Variants in PIWIL2 observed in about 807,000 individuals in gnomAD.
PIWIL2 encodes the protein piwi-like protein 2.
Under a neutral mutation model 116.5 loss-of-function variants are expected in PIWIL2, and 81 were observed. The observed-to-expected ratio is 0.70, with a 90% CI of 0.58 to 0.84. The LOEUF is 0.84. Ranked by LOEUF, PIWIL2 falls within the 40% of genes least tolerant of loss-of-function variation. The pLI is 0.00. For missense variants in PIWIL2, 1,272 were observed against 1,212.3 expected (o/e 1.05, Z -0.73); for synonymous variants, 489 against 429.5 (o/e 1.14, Z -1.71).
At chr8:22,322,425 A>G (rs1831620513) in intron 20 of PIWIL2, among the ~76,000 whole-genome samples, 1 of 151,758 alleles carries the variant, frequency 6.6e-6, no homozygotes, top group Non-Finnish European at 1.5e-5. Context: ...TAATTTTTGT[A>G]TTTTTTGTAG....
In PIWIL2 at chr8:22,355,506, C is replaced by G. The variant is rs1832469549; in HGVS notation, c.*1C>G. The G allele has an allele frequency of 1.9e-6, 3 of 1,613,592 alleles. No individual in the cohort carries two copies. The highest frequency in any genetic ancestry group is 2.5e-6 in the Non-Finnish European group (3 of 1,179,800). ...GTGCGAGAACCTGTTCTTCCTGTGA[C>G]TGCACAGCTTGGAGATGGGCTGGTG... On this transcript the variant is annotated 3_prime_UTR_variant, in exon 23 of 23. Coordinates refer to ENST00000356766, the MANE Select transcript of PIWIL2 (RefSeq NM_018068.5).
At chr8:22,307,902 T>C (rs1752692904) in intron 13 of PIWIL2, 31 bp from the exon 14 acceptor site, 1 of 1,547,596 alleles carries the variant, frequency 6.5e-7, no homozygotes, top group Non-Finnish European at 8.8e-7. Context: ...AAGTTATCTT[T>C]ATAAGTTATC....
chr8:22,303,011 A>G (rs1043909222), intron 10 of PIWIL2, among the ~76,000 whole-genome samples: 21 of 152,200 alleles, frequency 1.4e-4, no homozygotes, highest in African/African-American at 4.6e-4. Flanking sequence ...CCCCTAGATT[A>G]AGTTTTCTCT....
At position 22,294,589 on chromosome 8, in the gene PIWIL2, C is replaced by T. The variant is rs1830844170; in HGVS notation, c.1181+4243C>T. Among the ~76,000 whole-genome samples the T allele has an allele frequency of 2.2e-5, 3 of 135,220 alleles. No individual in the cohort carries two copies. In the Admixed American group the frequency reaches 2.6e-4, roughly 12 times the overall value. The allele number at this position is 135,220 out of a possible 152,430, so 88.7% of individuals were successfully genotyped here. A position where few individuals can be genotyped will look rare whatever the true frequency, so the allele number is the denominator to read the frequency against. ...CCAGGAGGCGGAGCTTGCAGTGAGC[C>T]GAGATTGTGCCAGTGCACTCCAGCC... On this transcript the variant is annotated intron_variant, in intron 10 of 22. Coordinates refer to ENST00000356766, the MANE Select transcript of PIWIL2 (RefSeq NM_018068.5).
At position 22,283,126 on chromosome 8, in the gene PIWIL2, C is replaced by A. The variant is rs752706668; in HGVS notation, c.518C>A (p.Thr173Asn). The A allele has an allele frequency of 3.1e-6, 5 of 1,614,022 alleles. No homozygotes were observed. Among genetic ancestry groups the A allele is most frequent in the Non-Finnish European group, 4.2e-6 (5 of 1,180,008 alleles). Residue 173 changes from threonine to asparagine, a missense_variant, in exon 5 of 23, where the codon ACC (threonine) becomes AAC (asparagine). By Grantham distance (65) the Thr-to-Asn change is moderately conservative. Transcript: ENST00000356766. Reference protein sequence around the residue: ...ISREVDKPPCTFSTPSRGPPQ... With the variant: ...ISREVDKPPCNFSTPSRGPPQ... ...AGAGAAGTGGACAAGCCTCCCTGTA[C>A]CTTCAGCACACCGTCCCGGGGTCCC...
chr8:22,296,213 G>A (rs1354290066), intron 10 of PIWIL2, among the ~76,000 whole-genome samples: 3 of 151,926 alleles, frequency 2.0e-5, no homozygotes, highest in East Asian at 1.9e-4. Flanking sequence ...GCGCCACCAC[G>A]CCCAGCTAAT....
chr8:22,310,135 A>G, intron 15 of PIWIL2, 61 bp downstream of exon 15: 1 of 888,832 alleles, frequency 1.1e-6, no homozygotes. Flanking sequence ...GGGAATTAGG[A>G]AGCAGGAATG....
In PIWIL2 at chr8:22,310,056, A is replaced by C. The variant is rs1345233321; in HGVS notation, c.1782A>C (p.Arg594Ser). The C allele has an allele frequency of 1.3e-5, 20 of 1,581,820 alleles. No homozygotes were observed. Among genetic ancestry groups the C allele is most frequent in the Non-Finnish European group, 1.7e-5 (20 of 1,150,772 alleles). The change falls in exon 15 of 23, where the codon AGA becomes AGC. Residue 594 changes from arginine (R) to serine (S), a missense_variant. Coordinates refer to ENST00000356766, the MANE Select transcript of PIWIL2 (RefSeq NM_018068.5). ...QELNWVKEVT[R>S]DPSILTIPMH... ...TAAACTGGGTTAAGGAAGTAACCAGAGACCCTTCCATCTTGACTGTAAGTG... is the reference window on the plus strand; with the variant it reads ...TAAACTGGGTTAAGGAAGTAACCAGCGACCCTTCCATCTTGACTGTAAGTG...
chr8:22,296,056 TTTGTTG>T (rs1554499137), intron 10 of PIWIL2, among the ~76,000 whole-genome samples: 35 of 118,392 alleles, frequency 3.0e-4, no homozygotes, highest in African/African-American at 1.1e-3. Context: ...TTTTTTTTTT[TTTGTTG>T]TTGTTGTTGT....
intron 10 of PIWIL2, among the ~76,000 whole-genome samples, chr8:22,291,307 T>C (rs2132002840): frequency 1.3e-5 from 2 of 152,130 alleles, no homozygotes; most frequent in Middle Eastern, 6.8e-3. Flanking sequence ...CATGCCTCCA[T>C]GTCTGGCTAA....
At chr8:22,304,296 A>T in intron 11 of PIWIL2, 87 bp downstream of exon 11, 1 of 776,464 alleles carries the variant, frequency 1.3e-6, no homozygotes, top group Non-Finnish European at 2.2e-6. Flanking sequence ...CTGCAATAGC[A>T]TACCACTTGA....
At chr8:22,351,484 A>ATATATATATAG in intron 20 of PIWIL2, among the ~76,000 whole-genome samples, 1 of 64,088 alleles carries the variant, frequency 1.6e-5, no homozygotes, top group South Asian at 7.6e-4. Context: ...TATATATATA[A>ATATATATATAG]TTTATATCTA....
rs748091965 is a variant in PIWIL2 at position 22,286,130 on chromosome 8, A to G, written c.744-1398A>G. Among the ~76,000 whole-genome samples, 30 of 152,198 alleles carry G rather than the reference A, an allele frequency of 2.0e-4. 1 individual carries two copies. Among genetic ancestry groups the G allele is most frequent in the Non-Finnish European group, 3.8e-4 (26 of 68,032 alleles). On this transcript the variant is annotated intron_variant, in intron 6 of 22. Transcript: ENST00000356766. ...GGAAGGACTCTTTTGAATGAAGGTAATGAGAAGGTGGTTGACTTTGGCCAC... is the reference window on the plus strand; with the variant it reads ...GGAAGGACTCTTTTGAATGAAGGTAGTGAGAAGGTGGTTGACTTTGGCCAC...
At chr8:22,298,470 T>C (rs980971370) in intron 10 of PIWIL2, among the ~76,000 whole-genome samples, 1 of 152,126 alleles carries the variant, frequency 6.6e-6, no homozygotes, top group Non-Finnish European at 1.5e-5. Context: ...ATTATAAATA[T>C]TGGGATTCAG....
At chr8:22,280,822 ACT>A (rs1218254607) in intron 2 of PIWIL2, among the ~76,000 whole-genome samples, 1 of 136,372 alleles carries the variant, frequency 7.3e-6, no homozygotes, top group African/African-American at 2.6e-5. Flanking sequence ...GGAAAAATTA[ACT>A]CTGTTCTGTT....
intron 4 of PIWIL2, 81 bp from the exon 5 acceptor site, chr8:22,282,953 G>T (rs1830544024): frequency 1.2e-5 from 13 of 1,086,906 alleles, no homozygotes; most frequent in Admixed American, 8.7e-5. Context: ...TCCAGGAAGA[G>T]ATTGTGGAGT....
intron 10 of PIWIL2, among the ~76,000 whole-genome samples, chr8:22,302,871 C>A (rs1474986666): frequency 2.0e-5 from 3 of 152,214 alleles, no homozygotes; most frequent in Admixed American, 2.0e-4. Flanking sequence ...TTTCTGATTA[C>A]CAGGATTTAG....
chr8:22,318,092 T>C, intron 19 of PIWIL2, 78 bp from the exon 20 acceptor site: 1 of 828,976 alleles, frequency 1.2e-6, no homozygotes, highest in South Asian at 1.5e-5. Flanking sequence ...CCTGTGTTAC[T>C]GACATAAGCC....
At chr8:22,352,368 C>T (rs555701724) in intron 20 of PIWIL2, among the ~76,000 whole-genome samples, 13 of 152,234 alleles carry the variant, frequency 8.5e-5, no homozygotes, top group Admixed American at 1.3e-4. Flanking sequence ...AGACAATTCA[C>T]ATAGCTAGCT....
Sources: gnomAD v4.1 joint callset for allele counts (sites outside exome capture counted in the v4.1 genomes callset) on GRCh38, gnomAD v4.1.1 for gene constraint, MANE v1.5 for transcripts, NCBI Gene and HGNC (gene_info 2026-07-23, HGNC 2026-07-21) for gene names.